Variants in PCDHGB6 observed in about 807,000 individuals in gnomAD.
PCDHGB6 encodes protocadherin gamma-B6.
A neutral mutation model predicts 59.1 loss-of-function variants in PCDHGB6; 51 were observed. The observed-to-expected ratio is 0.86, with a 90% confidence interval of 0.69 to 1.09. The LOEUF is 1.09. Among genes scored for constraint, PCDHGB6 ranks in the 50% least tolerant of loss-of-function variants. The pLI is 0.00. For missense variants in PCDHGB6, 1,148 were observed against 1,205.1 expected (o/e 0.95, Z 0.70); for synonymous variants, 466 against 495.1 (o/e 0.94, Z 0.78).
intron 1 of PCDHGB6, among the ~76,000 whole-genome samples, chr5:141,458,871 T>C (rs2098955493): frequency 6.6e-6 from 1 of 152,210 alleles, no homozygotes; most frequent in African/African-American, 2.4e-5. Flanking sequence ...TAGCTGGGAC[T>C]ACAGGCATGC....
rs1410729947 is a variant in PCDHGB6 at position 141,493,256 on chromosome 5, T to TA, written c.2419-1550dup. 3.3e-5 allele frequency among the ~76,000 whole-genome samples: 5 copies of TA among 152,306 alleles called. No homozygotes were observed. The highest frequency in any genetic ancestry group is 1.2e-4 in the African/African-American group (5 of 41,570). ...TGGCTAGGTACTAACATGCCTCTCT[T>TA]ATAACAGCTTCACAGAGGTCAAGTG... On this transcript the variant is annotated intron_variant, in intron 1 of 3. Transcript: ENST00000520790. This position sits in a 1 kb window ranked among gnomAD's most constrained non-coding sequence, Gnocchi z 4.3.
Position 141,418,384 on chromosome 5 carries a change from C to T in PCDHGB6, c.2418+7764C>T, listed in dbSNP as rs774636792. 5 of 1,613,982 alleles carry T rather than the reference C, an allele frequency of 3.1e-6. No homozygotes were observed. In the South Asian group the frequency reaches 4.4e-5, roughly 14 times the overall value. ...TGAGCAAATACCAACTAAGTCCTAA[C>T]GAGTATTTCTCATTGGTGGAGAAAG... is the stretch of plus-strand genomic sequence containing the variant. On this transcript the variant is annotated intron_variant, in intron 1 of 3. Coordinates refer to ENST00000520790, the MANE Select transcript of PCDHGB6 (RefSeq NM_018926.3).
chr5:141,497,960 C>T (rs946836523), intron 2 of PCDHGB6, among the ~76,000 whole-genome samples: 24 of 152,202 alleles, frequency 1.6e-4, no homozygotes, highest in African/African-American at 5.8e-4. Flanking sequence ...GTTGGCCAGG[C>T]AGTGTTCTCG....
chr5:141,457,899 C>CA (rs2098931976), intron 1 of PCDHGB6, among the ~76,000 whole-genome samples: 1 of 148,818 alleles, frequency 6.7e-6, no homozygotes, highest in Admixed American at 6.7e-5. Context: ...ACTGTGTAGA[C>CA]AAGGTGTGAG....
Position 141,489,341 on chromosome 5 carries a change from CAGT to C in PCDHGB6, c.2419-5465_2419-5463del. The stretch of plus-strand genomic sequence containing the variant: ...TGGGTGTCTGGGCAGCTTCGTTACT[CAGT>C]GGTGGAGGAGTCTGAGCCGGGGACG... On this transcript the variant is annotated intron_variant, in intron 1 of 3. Coordinates refer to ENST00000520790, the MANE Select transcript of PCDHGB6 (RefSeq NM_018926.3). This position sits in a 1 kb window ranked among gnomAD's most constrained non-coding sequence, Gnocchi z 4.5. The C allele has an allele frequency of 6.2e-7, 1 of 1,609,088 alleles. No homozygotes were observed. Among genetic ancestry groups the C allele is most frequent in the Non-Finnish European group, 8.5e-7 (1 of 1,176,770 alleles).
At chr5:141,495,209 C>T (rs548415564) in intron 2 of PCDHGB6, among the ~76,000 whole-genome samples, 1 of 152,342 alleles carries the variant, frequency 6.6e-6, no homozygotes, top group Admixed American at 6.5e-5. Flanking sequence ...GCCTAACCCC[C>T]TCCCCTGAGT....
chr5:141,510,448 C>T (rs1339979584), intron 3 of PCDHGB6, among the ~76,000 whole-genome samples: 1 of 152,016 alleles, frequency 6.6e-6, no homozygotes, highest in Non-Finnish European at 1.5e-5. Context: ...TCCAGGAGCC[C>T]ATGGTCTAGT....
At chr5:141,433,285 C>G in intron 1 of PCDHGB6, 1 of 1,169,826 alleles carries the variant, frequency 8.5e-7, no homozygotes, top group Non-Finnish European at 1.2e-6. Flanking sequence ...CCTCAAACTC[C>G]TAGGCTCAAG....
At position 141,421,975 on chromosome 5, in the gene PCDHGB6, G is replaced by A. The variant is rs1287891140; in HGVS notation, c.2418+11355G>A. 3.1e-6 allele frequency: 5 copies of A among 1,610,050 alleles called. No individual in the cohort carries two copies. The South Asian group carries it at 3.3e-5, about 11-fold the overall frequency. On this transcript the variant is annotated intron_variant, in intron 1 of 3. Coordinates refer to ENST00000520790, the MANE Select transcript of PCDHGB6 (RefSeq NM_018926.3). ...AATGTTTACACAGTCCGTATATCGC[G>A]TGAGTGTTCCAGAAAACATCAGCTC...
rs374655655 is a variant in PCDHGB6, at chr5:141,431,023, C to A, written c.2418+20403C>A. 1 of 1,613,748 alleles carries A rather than the reference C, an allele frequency of 6.2e-7. No homozygotes were observed. The highest frequency in any genetic ancestry group is 2.2e-5 in the East Asian group (1 of 44,862). On this transcript the variant is annotated intron_variant, in intron 1 of 3. Coordinates refer to ENST00000520790, the MANE Select transcript of PCDHGB6 (RefSeq NM_018926.3). The surrounding 1 kb of genome is among the most constrained non-coding windows in gnomAD (Gnocchi z 4.8). ...GCAGCGGCAGCTTGGTCACGGCGGG[C>A]AGGATAGACCGGGAGGAGCTCTGTA...
chr5:141,456,446 T>C (rs1053843910), intron 1 of PCDHGB6, among the ~76,000 whole-genome samples: 2 of 151,782 alleles, frequency 1.3e-5, no homozygotes, highest in Admixed American at 1.3e-4. Context: ...GTATACAGAG[T>C]CCAAATATCA....
chr5:141,445,115 A>G (rs1038787011), intron 1 of PCDHGB6, among the ~76,000 whole-genome samples: 1 of 152,308 alleles, frequency 6.6e-6, no homozygotes, highest in East Asian at 1.9e-4. Flanking sequence ...GTTATTGTAA[A>G]TAGTATTTTT....
intron 1 of PCDHGB6, chr5:141,427,297 A>G (rs1292641772): frequency 2.2e-6 from 1 of 456,900 alleles, no homozygotes; most frequent in Non-Finnish European, 4.4e-6. Context: ...ATCCTAGATG[A>G]GAATGACAAT....
chr5:141,498,251 C>A (rs1277949209), intron 2 of PCDHGB6, among the ~76,000 whole-genome samples: 1 of 152,178 alleles, frequency 6.6e-6, no homozygotes, highest in African/African-American at 2.4e-5. Flanking sequence ...CAAAGCAGGG[C>A]TGGTGTTGAG....
intron 1 of PCDHGB6, chr5:141,414,659 T>A (rs566999623): frequency 6.2e-7 from 1 of 1,614,010 alleles, no homozygotes; most frequent in South Asian, 1.1e-5. Flanking sequence ...ATTTACTCCC[T>A]GGCTGAAGAC....
intron 1 of PCDHGB6, chr5:141,414,112 T>C (rs967826724): frequency 1.3e-6 from 2 of 1,592,428 alleles, no homozygotes; most frequent in African/African-American, 2.7e-5. Context: ...AAATCTAGAT[T>C]ATGAAGAAAC....
At chr5:141,507,680 A>C (rs73794928) in intron 3 of PCDHGB6, among the ~76,000 whole-genome samples, 2,806 of 152,362 alleles carry the variant, frequency 0.018, 91 homozygotes, top group African/African-American at 0.063. Flanking sequence ...GATGTTAAAA[A>C]CAGAAATGAA....
In PCDHGB6 at chr5:141,486,661, G is replaced by T. The variant is rs373446844; in HGVS notation, c.2419-8146G>T. ...CGCTTATCTCCTACTCACTCCTGGA[G>T]CCCAGGAATCGAGATGTATCAGCTT... is the stretch of plus-strand genomic sequence containing the variant. On this transcript the variant is annotated intron_variant, in intron 1 of 3. Transcript: ENST00000520790. The surrounding 1 kb of genome is among the most constrained non-coding windows in gnomAD (Gnocchi z 5.0). 6.2e-6 allele frequency: 10 copies of T among 1,613,836 alleles called. No individual in the cohort carries two copies. Among genetic ancestry groups the T allele is most frequent in the African/African-American group, 4.0e-5 (3 of 74,918 alleles).
chr5:141,421,926 C>T, intron 1 of PCDHGB6: 1 of 1,613,460 alleles, frequency 6.2e-7, no homozygotes, highest in Non-Finnish European at 8.5e-7. Context: ...GTGTGGTGGT[C>T]CTCGATGTAA....
Sources: allele counts gnomAD v4.1 joint callset (sites outside exome capture counted in the v4.1 genomes callset), GRCh38; gene constraint gnomAD v4.1.1; non-coding constraint Gnocchi (gnomAD v3.1); transcripts MANE v1.5; gene names NCBI Gene and HGNC (gene_info 2026-07-23, HGNC 2026-07-21).